The following PTGER2 variants were observed in gnomAD, a reference collection of about 807,000 sequenced individuals.
PTGER2 encodes the protein prostaglandin E2 receptor EP2 subtype.
PTGER2 carries 22 observed loss-of-function variants against 26.2 expected under a neutral mutation model. That is an observed-to-expected ratio of 0.84 (90% CI 0.60 to 1.20). PTGER2 has a LOEUF of 1.20. Among genes scored for constraint, PTGER2 ranks in the 50% most tolerant of loss-of-function variants. The pLI is 0.00. For missense variants in PTGER2, 458 were observed against 475.2 expected (o/e 0.96, Z 0.34); for synonymous variants, 219 against 208.9 (o/e 1.05, Z -0.42).
chr14:52,327,198 T>A, intron 1 of PTGER2, 23 bp from the exon 2 acceptor site: 1 of 1,500,176 alleles, frequency 6.7e-7, no homozygotes, highest in Non-Finnish European at 9.2e-7. Context: ...ACTAACATCA[T>A]TTTTCCCCTT....
At chr14:52,318,389 G>A (rs1430179617) in intron 1 of PTGER2, among the ~76,000 whole-genome samples, 1 of 152,068 alleles carries the variant, frequency 6.6e-6, no homozygotes, top group African/African-American at 2.4e-5. Flanking sequence ...AAGAAACAGA[G>A]AAAATTAATT....
In PTGER2 at chr14:52,314,396, C is replaced by A. The variant is rs1183379236; in HGVS notation, c.-153C>A. 2 of 951,346 alleles carry A rather than the reference C, an allele frequency of 2.1e-6. No homozygotes were observed. Among genetic ancestry groups the A allele is most frequent in the East Asian group, 3.3e-5 (1 of 30,362 alleles). The allele number at this position is 951,346 out of a possible 1,614,324, so 58.9% of individuals were successfully genotyped here. Reference sequence around the variant, plus strand: ...CGCGCGGCGGGAGACCCAGGGCAAGCCGCCGTCGGCGCGCTGGGTGCGGGA... The same window carrying A: ...CGCGCGGCGGGAGACCCAGGGCAAGACGCCGTCGGCGCGCTGGGTGCGGGA... On this transcript the variant is annotated 5_prime_UTR_variant, in exon 1 of 2. Coordinates refer to ENST00000245457, the MANE Select transcript of PTGER2 (RefSeq NM_000956.4). This position sits in a 1 kb window ranked among gnomAD's most constrained non-coding sequence, Gnocchi z 5.7.
At chr14:52,317,481 A>G (rs930945078) in intron 1 of PTGER2, among the ~76,000 whole-genome samples, 1 of 152,158 alleles carries the variant, frequency 6.6e-6, no homozygotes, top group Non-Finnish European at 1.5e-5. Flanking sequence ...GTGGATATAG[A>G]TATAGATATT....
Position 52,315,273 on chromosome 14 carries a change from G to A in PTGER2, c.725G>A (p.Arg242Gln), listed in dbSNP as rs775157086. 3.8e-5 allele frequency: 62 copies of A among 1,611,562 alleles called. No individual in the cohort carries two copies. The East Asian group carries it at 1.1e-3, about 30-fold the overall frequency. The change falls in exon 1 of 2, where the codon CGG becomes CAG. Residue 242 changes from arginine (R) to glutamine (Q), a missense_variant. By Grantham distance (43) the Arg-to-Gln change is conservative. Transcript: ENST00000245457. Reference sequence around the variant, plus strand: ...TGCGGACCTTCCCTGGGCAGTGGCCGGGGCGGCCCCGGGGCCCGCAGGAGA... The same window carrying A: ...TGCGGACCTTCCCTGGGCAGTGGCCAGGGCGGCCCCGGGGCCCGCAGGAGA... ...SRCGPSLGSG[R>Q]GGPGARRRGE... is the part of the protein sequence containing the mutation.
intron 1 of PTGER2, among the ~76,000 whole-genome samples, chr14:52,318,923 T>G (rs1293857962): frequency 6.6e-6 from 1 of 152,232 alleles, no homozygotes; most frequent in Non-Finnish European, 1.5e-5. Flanking sequence ...ACCCATTATC[T>G]TCACAGCACC....
rs138820478 is a variant in PTGER2 at position 52,315,085 on chromosome 14, C to G, written c.537C>G (p.Val179=). The change falls in exon 1 of 2, where the codon GTC becomes GTG. Residue 179 remains valine (V), a synonymous_variant. Transcript: ENST00000245457. ...CGCTGCTGGACTATGGGCAGTACGT[C>G]CAGTACTGCCCCGGGACCTGGTGCT... ...SLPLLDYGQY[V]QYCPGTWCFI... The G allele has an allele frequency of 5.0e-6, 8 of 1,610,968 alleles. No individual in the cohort carries two copies. Among genetic ancestry groups the G allele is most frequent in the Admixed American group, 1.7e-5 (1 of 59,964 alleles).
chr14:52,324,998 G>A (rs1388147405), intron 1 of PTGER2, among the ~76,000 whole-genome samples: 2 of 152,058 alleles, frequency 1.3e-5, no homozygotes, highest in Non-Finnish European at 2.9e-5. Context: ...AATTAGCCAG[G>A]CGTGGTGGCG....
intron 1 of PTGER2, among the ~76,000 whole-genome samples, chr14:52,326,733 C>T (rs1031799164): frequency 7.9e-5 from 12 of 152,094 alleles, no homozygotes; most frequent in Non-Finnish European, 1.6e-4. Flanking sequence ...TATTAGTTTT[C>T]CTGAAGTTCA....
At chr14:52,323,565 C>T (rs574245074) in intron 1 of PTGER2, among the ~76,000 whole-genome samples, 1 of 152,128 alleles carries the variant, frequency 6.6e-6, no homozygotes, top group African/African-American at 2.4e-5. Context: ...ATTTTTAAAG[C>T]TCCTCAGGTG....
chr14:52,327,460 G>A lies in PTGER2; in HGVS notation c.*6G>A. Reference sequence around the variant, plus strand: ...GTAAACAGGCTGACCTTTGAGGTCAGTAGTTTAAAAGTTCTTAGTTATATA... The same window carrying A: ...GTAAACAGGCTGACCTTTGAGGTCAATAGTTTAAAAGTTCTTAGTTATATA... On this transcript the variant is annotated 3_prime_UTR_variant, in exon 2 of 2. Coordinates refer to ENST00000245457, the MANE Select transcript of PTGER2 (RefSeq NM_000956.4). 6.4e-7 allele frequency: 1 copy of A among 1,573,302 alleles called. No homozygotes were observed. The highest frequency in any genetic ancestry group is 1.1e-5 in the South Asian group (1 of 88,980).
intron 1 of PTGER2, among the ~76,000 whole-genome samples, chr14:52,323,827 G>A (rs2033922479): frequency 6.6e-6 from 1 of 152,118 alleles, no homozygotes; most frequent in Non-Finnish European, 1.5e-5. Flanking sequence ...CCTGCCCTGA[G>A]GAATTAAAAT....
At chr14:52,315,420 C>G (rs988525016) in intron 1 of PTGER2, 29 bp downstream of exon 1, 1 of 1,608,018 alleles carries the variant, frequency 6.2e-7, no homozygotes, top group Non-Finnish European at 8.5e-7. Flanking sequence ...TTCCACAGCC[C>G]GGCTCTGCTC....
At chr14:52,324,423 G>A (rs562392150) in intron 1 of PTGER2, among the ~76,000 whole-genome samples, 3 of 152,294 alleles carry the variant, frequency 2.0e-5, no homozygotes, top group Admixed American at 6.5e-5. Context: ...TAAAAGCAGA[G>A]GAATAAATAT....
Position 52,314,345 on chromosome 14 carries a change from G to T in PTGER2, c.-204G>T, listed in dbSNP as rs951522732. 18 of 505,050 alleles carry T rather than the reference G, an allele frequency of 3.6e-5. No individual in the cohort carries two copies. The Admixed American group carries it at 4.5e-4, about 13-fold the overall frequency. The allele number at this position is 505,050 out of a possible 1,614,324, so 31.3% of individuals were successfully genotyped here. A position where few individuals can be genotyped will look rare whatever the true frequency, so the allele number is the denominator to read the frequency against. ...GCGCGGGAGCCTCGAGCGCCGCTCGGATGCAGCAGCCGAGCCGCCACTCGG... is the reference window on the plus strand; with the variant it reads ...GCGCGGGAGCCTCGAGCGCCGCTCGTATGCAGCAGCCGAGCCGCCACTCGG... On this transcript the variant is annotated 5_prime_UTR_variant, in exon 1 of 2. Coordinates refer to ENST00000245457, the MANE Select transcript of PTGER2 (RefSeq NM_000956.4). The surrounding 1 kb of genome is among the most constrained non-coding windows in gnomAD (Gnocchi z 5.7).
intron 1 of PTGER2, among the ~76,000 whole-genome samples, chr14:52,324,614 G>A (rs1258788008): frequency 6.6e-6 from 1 of 152,188 alleles, no homozygotes; most frequent in African/African-American, 2.4e-5. Context: ...TAAACAATAT[G>A]ATTGCCCCAC....
At chr14:52,316,962 A>G (rs2033847750) in intron 1 of PTGER2, among the ~76,000 whole-genome samples, 1 of 152,208 alleles carries the variant, frequency 6.6e-6, no homozygotes, top group South Asian at 2.1e-4. Context: ...CATGGCTTAT[A>G]TGCTTTTGAT....
intron 1 of PTGER2, among the ~76,000 whole-genome samples, chr14:52,321,711 A>G (rs528317367): frequency 4.3e-4 from 66 of 152,340 alleles, no homozygotes; most frequent in African/African-American, 1.5e-3. Flanking sequence ...TCCTTCTAAC[A>G]TAGGAATAAT....
Position 52,315,373 on chromosome 14 carries a change from C to T in PTGER2, c.825C>T (p.Val275=). Residue 275 remains valine (V), a synonymous_variant, in exon 1 of 2, where the codon GTC becomes GTT. Coordinates refer to ENST00000245457, the MANE Select transcript of PTGER2 (RefSeq NM_000956.4). ...CTATCATGACCATCACCTTCGCCGT[C>T]TGCTCCTTGCCTTTCACGGTAAGTC... ...LLAIMTITFA[V]CSLPFTIFAY... 1 of 1,613,322 alleles carries T rather than the reference C, an allele frequency of 6.2e-7. No homozygotes were observed. Among genetic ancestry groups the T allele is most frequent in the Non-Finnish European group, 8.5e-7 (1 of 1,180,002 alleles).
In PTGER2 at chr14:52,315,314, A is replaced by G. The variant is rs2033828059; in HGVS notation, c.766A>G (p.Met256Val). Residue 256 changes from methionine (M) to valine (V), a missense_variant, in exon 1 of 2, where the codon ATG becomes GTG. Coordinates refer to ENST00000245457, the MANE Select transcript of PTGER2 (RefSeq NM_000956.4). ...CCGCAGGAGAGGGGAAAGGGTGTCC[A>G]TGGCGGAGGAGACGGACCACCTCAT... is the stretch of plus-strand genomic sequence containing the variant. ...GARRRGERVS[M>V]AEETDHLILL... is the part of the protein sequence containing the mutation. 6.2e-7 allele frequency: 1 copy of G among 1,613,246 alleles called. No homozygotes were observed. The highest frequency in any genetic ancestry group is 8.5e-7 in the Non-Finnish European group (1 of 1,179,800).
Sources: allele counts gnomAD v4.1 joint callset (sites outside exome capture counted in the v4.1 genomes callset), GRCh38; gene constraint gnomAD v4.1.1; non-coding constraint Gnocchi (gnomAD v3.1); transcripts MANE v1.5; gene names NCBI Gene and HGNC (gene_info 2026-07-23, HGNC 2026-07-21).